Variants in LRRC4C observed in about 807,000 individuals in gnomAD.
LRRC4C encodes leucine-rich repeat-containing protein 4C.
LRRC4C carries 5 observed loss-of-function variants against 33.6 expected under a neutral mutation model. That is an observed-to-expected ratio of 0.15 (90% CI 0.08 to 0.31). LRRC4C has a LOEUF of 0.31. Ranked by LOEUF, LRRC4C falls within the 10% of genes least tolerant of loss-of-function variation. The pLI is 1.00. For synonymous variants in LRRC4C, 329 were observed against 302.0 expected (o/e 1.09, Z -0.93); for missense variants, 560 against 796.7 (o/e 0.70, Z 3.58).
intron 4 of LRRC4C, among the ~76,000 whole-genome samples, chr11:40,262,884 G>A (rs1941963416): frequency 6.6e-6 from 1 of 152,000 alleles, no homozygotes; most frequent in Admixed American, 6.6e-5. Flanking sequence ...TAATGTAGGT[G>A]GCGGGTTGAT....
chr11:40,412,841 C>A (rs910867916), intron 3 of LRRC4C, among the ~76,000 whole-genome samples: 1 of 152,044 alleles, frequency 6.6e-6, no homozygotes. Context: ...ATGTTTAAGG[C>A]ATTGGGTTGT....
chr11:40,421,017 C>G (rs1461515506), intron 3 of LRRC4C, among the ~76,000 whole-genome samples: 1 of 152,112 alleles, frequency 6.6e-6, no homozygotes, highest in Non-Finnish European at 1.5e-5. Flanking sequence ...TCATAAGTAT[C>G]CAGTGAATTA....
intron 3 of LRRC4C, chr11:40,446,754 A>C (rs1170620125): frequency 6.6e-6 from 1 of 152,182 alleles, no homozygotes; most frequent in African/African-American, 2.4e-5. Context: ...AGGAGAGAGA[A>C]TGACCAAAGG....
At chr11:41,245,290 G>A (rs1948406957) in intron 1 of LRRC4C, among the ~76,000 whole-genome samples, 1 of 152,172 alleles carries the variant, frequency 6.6e-6, no homozygotes, top group Admixed American at 6.5e-5. Flanking sequence ...CTGGCAGGCT[G>A]CACGCAGTTC....
rs929450470 is a variant in LRRC4C, at chr11:40,627,031, A to G, written c.-270+21111T>C. Among the ~76,000 whole-genome samples the G allele has an allele frequency of 1.7e-4, 25 of 147,128 alleles. 1 individual carries two copies. Among genetic ancestry groups the G allele is most frequent in the South Asian group, 2.1e-4 (1 of 4,674 alleles). On this transcript the variant is annotated intron_variant, in intron 3 of 6. Coordinates refer to ENST00000528697, the MANE Select transcript of LRRC4C (RefSeq NM_001258419.2). Reference sequence around the variant, plus strand: ...TTCTTAATCATTTATTCTCCCCTCCATATAATTCAGGATTTCCTTTTTTAA... The same window carrying G: ...TTCTTAATCATTTATTCTCCCCTCCGTATAATTCAGGATTTCCTTTTTTAA...
intron 2 of LRRC4C, among the ~76,000 whole-genome samples, chr11:40,853,718 T>G (rs1251121252): frequency 6.6e-6 from 1 of 152,166 alleles, no homozygotes; most frequent in African/African-American, 2.4e-5. Context: ...TTTGTCTTCT[T>G]GGCAATGATT....
chr11:40,255,649 C>G (rs1056227145), intron 4 of LRRC4C, among the ~76,000 whole-genome samples: 6 of 152,158 alleles, frequency 3.9e-5, no homozygotes, highest in African/African-American at 1.2e-4. Context: ...GCAGGCTACT[C>G]TGCCTCTCTG....
At chr11:40,978,341 T>A (rs928221904) in intron 1 of LRRC4C, among the ~76,000 whole-genome samples, 1 of 152,190 alleles carries the variant, frequency 6.6e-6, no homozygotes, top group African/African-American at 2.4e-5. Flanking sequence ...AACTAGCACC[T>A]AACTTTGATT....
chr11:40,459,832 T>A (rs1952307946), intron 3 of LRRC4C, among the ~76,000 whole-genome samples: 1 of 152,206 alleles, frequency 6.6e-6, no homozygotes. Flanking sequence ...AGCAGCCACC[T>A]GTGTGCGTGC....
intron 3 of LRRC4C, among the ~76,000 whole-genome samples, chr11:40,549,414 T>C (rs917768155): frequency 1.3e-5 from 2 of 152,152 alleles, no homozygotes; most frequent in Admixed American, 6.6e-5. Flanking sequence ...GGTCCTATAG[T>C]AAATTTGTTG....
At chr11:40,989,928 T>C (rs1391622344) in intron 1 of LRRC4C, among the ~76,000 whole-genome samples, 3 of 151,904 alleles carry the variant, frequency 2.0e-5, no homozygotes, top group Non-Finnish European at 4.4e-5. Flanking sequence ...AACTCTTTCA[T>C]AGTATTTATA....
chr11:40,624,820 T>C (rs1396349910), intron 3 of LRRC4C, among the ~76,000 whole-genome samples: 1 of 152,140 alleles, frequency 6.6e-6, no homozygotes, highest in Non-Finnish European at 1.5e-5. Flanking sequence ...AAACCATAAG[T>C]CTGGATAAAT....
At chr11:40,508,180 A>G (rs1349377179) in intron 3 of LRRC4C, among the ~76,000 whole-genome samples, 6 of 152,344 alleles carry the variant, frequency 3.9e-5, no homozygotes, top group African/African-American at 1.2e-4. Flanking sequence ...TATGTACAAA[A>G]TATATTAGAA....
chr11:40,213,730 C>T (rs1863775351), intron 5 of LRRC4C, among the ~76,000 whole-genome samples: 1 of 152,140 alleles, frequency 6.6e-6, no homozygotes, highest in Non-Finnish European at 1.5e-5. Flanking sequence ...TGAAGTGACA[C>T]AGGCATATTT....
intron 4 of LRRC4C, among the ~76,000 whole-genome samples, chr11:40,260,742 C>G (rs1867643931): frequency 6.6e-6 from 1 of 152,084 alleles, no homozygotes. Context: ...CAGGAGTCAG[C>G]AACCTTTGAC....
chr11:41,358,912 T>G lies in LRRC4C; in HGVS notation c.-496+100519A>C, dbSNP rs114176583. On this transcript the variant is annotated intron_variant, in intron 1 of 6. Transcript: ENST00000528697. Reference sequence around the variant, plus strand: ...TTAAAAATATATATTCACACAAAGATCTGCATATGAATGTTATTATAAACT... The same window carrying G: ...TTAAAAATATATATTCACACAAAGAGCTGCATATGAATGTTATTATAAACT... 4.2e-3 allele frequency among the ~76,000 whole-genome samples: 646 copies of G among 152,300 alleles called. 3 individuals are homozygous for G. The highest frequency in any genetic ancestry group is 0.014 in the African/African-American group (568 of 41,568).
chr11:41,273,180 A>G (rs1359521749), intron 1 of LRRC4C, among the ~76,000 whole-genome samples: 3 of 152,164 alleles, frequency 2.0e-5, no homozygotes, highest in Non-Finnish European at 1.5e-5. Flanking sequence ...TGAATCCCTT[A>G]TACACTACTG....
intron 1 of LRRC4C, among the ~76,000 whole-genome samples, chr11:41,094,725 C>A (rs1023049473): frequency 6.6e-6 from 1 of 152,072 alleles, no homozygotes. Flanking sequence ...AAGCCCTATA[C>A]AAGATCAAAG....
At chr11:40,879,992 G>C (rs891954351) in intron 2 of LRRC4C, among the ~76,000 whole-genome samples, 3 of 152,082 alleles carry the variant, frequency 2.0e-5, no homozygotes, top group Admixed American at 6.6e-5. Flanking sequence ...AGAAAGGTAT[G>C]TTACATGATT....
Sources: allele counts gnomAD v4.1 joint callset (sites outside exome capture counted in the v4.1 genomes callset), GRCh38; gene constraint gnomAD v4.1.1; transcripts MANE v1.5; gene names NCBI Gene and HGNC (gene_info 2026-07-23, HGNC 2026-07-21).